Variants in ERC2 observed in about 807,000 individuals in gnomAD.
ERC2 encodes ERC protein 2.
A neutral mutation model predicts 114.8 loss-of-function variants in ERC2; 42 were observed. The observed-to-expected ratio is 0.37, with a 90% CI of 0.29 to 0.47. The LOEUF is 0.47. ERC2 is among the 20% of genes least tolerant of loss of function. ERC2 has a pLI of 0.99. For missense variants in ERC2, 939 were observed against 1,150.7 expected (o/e 0.82, Z 2.66); for synonymous variants, 454 against 425.5 (o/e 1.07, Z -0.82).
chr3:55,777,774 T>A (rs2068736914), intron 14 of ERC2, among the ~76,000 whole-genome samples: 1 of 152,194 alleles, frequency 6.6e-6, no homozygotes, highest in Non-Finnish European at 1.5e-5. Context: ...CCTAATCCTG[T>A]ATATAAATTT....
At chr3:55,750,697 G>A (rs1366946208) in intron 14 of ERC2, among the ~76,000 whole-genome samples, 1 of 152,212 alleles carries the variant, frequency 6.6e-6, no homozygotes, top group Non-Finnish European at 1.5e-5. Flanking sequence ...ACTTATGCCT[G>A]TTCCTAGTTG....
intron 14 of ERC2, among the ~76,000 whole-genome samples, chr3:55,820,088 C>A (rs2060064662): frequency 6.6e-6 from 1 of 152,152 alleles, no homozygotes. Context: ...GGAGAATAAG[C>A]TCCATGAAAT....
chr3:56,357,159 A>G (rs977311085), intron 2 of ERC2, among the ~76,000 whole-genome samples: 2 of 152,240 alleles, frequency 1.3e-5, no homozygotes, highest in African/African-American at 4.8e-5. Flanking sequence ...TGTATGAAAC[A>G]TCCTCCTGCA....
intron 15 of ERC2, 72 bp downstream of exon 15, chr3:55,734,699 T>C: frequency 6.5e-7 from 1 of 1,528,242 alleles, no homozygotes; most frequent in Non-Finnish European, 8.8e-7. Context: ...AAATGAAGAG[T>C]GGCTAAAATC....
At chr3:55,639,245 A>G (rs1471135027) in intron 17 of ERC2, among the ~76,000 whole-genome samples, 1 of 152,212 alleles carries the variant, frequency 6.6e-6, no homozygotes, top group Non-Finnish European at 1.5e-5. Flanking sequence ...GTAGGAGAAG[A>G]GCACTACCTT....
intron 1 of ERC2, among the ~76,000 whole-genome samples, chr3:56,447,003 T>C (rs1046002510): frequency 6.6e-5 from 10 of 152,146 alleles, no homozygotes; most frequent in Non-Finnish European, 2.9e-5. Flanking sequence ...ACCGGCCTCA[T>C]AGGTGCGCCT....
At chr3:55,680,419 C>T (rs890871126) in intron 17 of ERC2, among the ~76,000 whole-genome samples, 1 of 152,182 alleles carries the variant, frequency 6.6e-6, no homozygotes, top group Non-Finnish European at 1.5e-5. Context: ...TGTTCGCAAA[C>T]CCGAATGCCT....
intron 3 of ERC2, among the ~76,000 whole-genome samples, chr3:56,193,895 T>C (rs1375716063): frequency 6.6e-6 from 1 of 152,206 alleles, no homozygotes; most frequent in Non-Finnish European, 1.5e-5. Context: ...TTAAGGACAC[T>C]TCTATGTTTA....
intron 3 of ERC2, among the ~76,000 whole-genome samples, chr3:56,256,823 G>C (rs2052548677): frequency 6.6e-6 from 1 of 152,050 alleles, no homozygotes; most frequent in South Asian, 2.1e-4. Context: ...TCTCTCTCCT[G>C]CCGCCTTGTG....
At chr3:55,949,408 T>G (rs2067345338) in intron 13 of ERC2, among the ~76,000 whole-genome samples, 1 of 151,918 alleles carries the variant, frequency 6.6e-6, no homozygotes, top group African/African-American at 2.4e-5. Context: ...CCTACTATTG[T>G]CTCACTATTC....
chr3:56,017,416 A>G (rs2073380702), intron 8 of ERC2, among the ~76,000 whole-genome samples: 1 of 152,160 alleles, frequency 6.6e-6, no homozygotes, highest in Non-Finnish European at 1.5e-5. Flanking sequence ...ATTCAAATTA[A>G]TCCCCTTAAA....
At chr3:56,342,477 C>T (rs1199376017) in intron 2 of ERC2, among the ~76,000 whole-genome samples, 1 of 152,224 alleles carries the variant, frequency 6.6e-6, no homozygotes, top group Non-Finnish European at 1.5e-5. Flanking sequence ...CTAAGCACTT[C>T]AATTTCCATT....
At chr3:55,642,716 A>G (rs2060239254) in intron 17 of ERC2, among the ~76,000 whole-genome samples, 1 of 152,108 alleles carries the variant, frequency 6.6e-6, no homozygotes, top group African/African-American at 2.4e-5. Context: ...ATGTCATCCC[A>G]AAGTGTGCCA....
At chr3:55,774,131 T>A (rs2068428846) in intron 14 of ERC2, among the ~76,000 whole-genome samples, 1 of 152,110 alleles carries the variant, frequency 6.6e-6, no homozygotes, top group Non-Finnish European at 1.5e-5. Context: ...TTTAATAGGA[T>A]ACATTCAGTC....
chr3:55,692,509 T>G (rs1355930219), intron 16 of ERC2, among the ~76,000 whole-genome samples: 1 of 152,160 alleles, frequency 6.6e-6, no homozygotes, highest in Non-Finnish European at 1.5e-5. Flanking sequence ...AATGCTCTTA[T>G]AGGATGCTGA....
intron 13 of ERC2, among the ~76,000 whole-genome samples, chr3:55,940,526 C>A (rs924626285): frequency 1.3e-5 from 2 of 152,138 alleles, no homozygotes. Flanking sequence ...TCTCAGAGCA[C>A]GCAGCAGCCC....
At chr3:56,353,059 G>A (rs754333601) in intron 2 of ERC2, among the ~76,000 whole-genome samples, 11 of 152,176 alleles carry the variant, frequency 7.2e-5, no homozygotes, top group Non-Finnish European at 1.6e-4. Context: ...AAAAAGGCAT[G>A]AGTCTAGGAG....
chr3:55,949,362 T>C (rs2067341225), intron 13 of ERC2, among the ~76,000 whole-genome samples: 1 of 150,744 alleles, frequency 6.6e-6, no homozygotes, highest in Admixed American at 6.6e-5. Context: ...AGGGGGAGAC[T>C]CCATCTCAAA....
At chr3:56,100,871 T>C (rs1198201119) in intron 6 of ERC2, among the ~76,000 whole-genome samples, 5 of 152,182 alleles carry the variant, frequency 3.3e-5, no homozygotes, top group Admixed American at 2.6e-4. Context: ...CTACACATGC[T>C]ATAAGAGTTA....
Sources: allele counts gnomAD v4.1 joint callset (sites outside exome capture counted in the v4.1 genomes callset), GRCh38; gene constraint gnomAD v4.1.1; transcripts MANE v1.5; gene names NCBI Gene and HGNC (gene_info 2026-07-23, HGNC 2026-07-21).